The following PTPRG variants were observed in gnomAD, a reference collection of about 807,000 sequenced individuals.
The protein encoded by PTPRG is protein tyrosine phosphatase receptor type G.
A neutral mutation model predicts 165.3 loss-of-function variants in PTPRG; 102 were observed. That is an observed-to-expected ratio of 0.62 (90% CI 0.53 to 0.73). The LOEUF (loss-of-function observed/expected upper bound fraction) is 0.73, where lower values mean the gene tolerates loss of function less well. Ranked by LOEUF, PTPRG falls within the 30% of genes least tolerant of loss-of-function variation. The probability of loss-of-function intolerance (pLI) is 0.00; values close to 1 mark genes in which losing one functional copy is unlikely to be tolerated. For missense variants in PTPRG, 1,866 were observed against 1,861.4 expected (o/e 1.00, Z -0.05); for synonymous variants, 675 against 669.5 (o/e 1.01, Z -0.13).
Position 61,953,642 on chromosome 3 carries a change from T to C in PTPRG, c.191-35983T>C, listed in dbSNP as rs185590486. Among the ~76,000 whole-genome samples the C allele has an allele frequency of 1.8e-4, 28 of 152,306 alleles. No individual in the cohort carries two copies. The East Asian group carries it at 5.4e-3, about 29-fold the overall frequency. On this transcript the variant is annotated intron_variant, in intron 2 of 29. Transcript: ENST00000474889. ...CTGGGTTCCTTTCCTGCTGCTTGTC[T>C]AATTAACATAATTTCTAGCCCCAAG...
intron 1 of PTPRG, among the ~76,000 whole-genome samples, chr3:61,586,094 T>A (rs2106809876): frequency 6.6e-6 from 1 of 152,358 alleles, no homozygotes; most frequent in South Asian, 2.1e-4. Flanking sequence ...TTTTTCTTTT[T>A]TATTTTTTGC....
intron 6 of PTPRG, among the ~76,000 whole-genome samples, chr3:62,149,484 T>C (rs1381251319): frequency 2.0e-5 from 3 of 152,098 alleles, no homozygotes; most frequent in South Asian, 2.1e-4. Flanking sequence ...GGCCAGGTGG[T>C]TTCAAACTCC....
At chr3:61,970,778 G>C (rs991307316) in intron 2 of PTPRG, among the ~76,000 whole-genome samples, 2 of 151,834 alleles carry the variant, frequency 1.3e-5, no homozygotes, top group Non-Finnish European at 2.9e-5. Context: ...TGCAGTGGTA[G>C]GTTAGGAAAG....
At chr3:62,149,392 GCC>G (rs1430460272) in intron 6 of PTPRG, among the ~76,000 whole-genome samples, 2 of 150,346 alleles carry the variant, frequency 1.3e-5, no homozygotes, top group African/African-American at 4.9e-5. Context: ...TCCTGCCCCA[GCC>G]TCCCAACAAG....
intron 1 of PTPRG, among the ~76,000 whole-genome samples, chr3:61,704,899 C>G (rs1346598183): frequency 6.6e-6 from 1 of 152,202 alleles, no homozygotes; most frequent in African/African-American, 2.4e-5. Flanking sequence ...GCCCCTGGCC[C>G]TTGCAATTTG....
At chr3:61,745,176 G>T (rs1575627536) in intron 1 of PTPRG, among the ~76,000 whole-genome samples, 1 of 149,820 alleles carries the variant, frequency 6.7e-6, no homozygotes, top group African/African-American at 2.5e-5. Context: ...TCAGCCTCCC[G>T]AGTAGCTGGG....
chr3:61,694,325 C>T (rs1194333451), intron 1 of PTPRG, among the ~76,000 whole-genome samples: 1 of 152,112 alleles, frequency 6.6e-6, no homozygotes, highest in Admixed American at 6.5e-5. Flanking sequence ...TTTAAAAAGT[C>T]CCTTACATAG....
In PTPRG at chr3:62,219,035, G is replaced by A. The variant is rs1458763439; in HGVS notation, c.2288+52G>A. On this transcript the variant is annotated intron_variant, in intron 13 of 29. Transcript: ENST00000474889. This position sits in a 1 kb window ranked among gnomAD's most constrained non-coding sequence, Gnocchi z 4.5. ...GATTTGGGGGCCAGATGCTGGCCAG[G>A]TTTTGCTCACGGGAGGGGAATCCCA... is the stretch of plus-strand genomic sequence containing the variant. The A allele has an allele frequency of 1.9e-6, 3 of 1,602,038 alleles. No individual in the cohort carries two copies. Among genetic ancestry groups the A allele is most frequent in the Non-Finnish European group, 2.6e-6 (3 of 1,173,738 alleles).
At chr3:61,663,105 G>A (rs1165675703) in intron 1 of PTPRG, among the ~76,000 whole-genome samples, 2 of 152,102 alleles carry the variant, frequency 1.3e-5, no homozygotes, top group East Asian at 1.9e-4. Flanking sequence ...GCAACATGGC[G>A]AAACTGTCTC....
intron 1 of PTPRG, among the ~76,000 whole-genome samples, chr3:61,635,930 C>A (rs1329053406): frequency 1.3e-5 from 2 of 152,246 alleles, no homozygotes; most frequent in South Asian, 2.1e-4. Context: ...GTTTTATTTT[C>A]CAAATCCCAA....
At chr3:62,201,896 CG>C (rs1470230639) in intron 11 of PTPRG, among the ~76,000 whole-genome samples, 1 of 151,996 alleles carries the variant, frequency 6.6e-6, no homozygotes, top group African/African-American at 2.4e-5. Context: ...TTGTCATTTG[CG>C]TAAAGTTATA....
intron 27 of PTPRG, 102 bp downstream of exon 27, chr3:62,281,811 C>G: frequency 8.7e-7 from 1 of 1,153,932 alleles, no homozygotes; most frequent in East Asian, 2.8e-5. Flanking sequence ...CAGGCTCAGG[C>G]ATTTGAGTAA....
At chr3:61,683,543 T>A (rs1324863694) in intron 1 of PTPRG, among the ~76,000 whole-genome samples, 2 of 152,252 alleles carry the variant, frequency 1.3e-5, no homozygotes, top group African/African-American at 4.8e-5. Context: ...TACTTGGCCG[T>A]CTCAGGAACA....
chr3:62,153,308 A>G (rs1704404758), intron 6 of PTPRG, among the ~76,000 whole-genome samples: 1 of 152,210 alleles, frequency 6.6e-6, no homozygotes, highest in African/African-American at 2.4e-5. Context: ...CAAGCCCCTT[A>G]TGTCTGTTAA....
chr3:62,174,740 C>T (rs1705349392), intron 8 of PTPRG, among the ~76,000 whole-genome samples: 1 of 152,202 alleles, frequency 6.6e-6, no homozygotes, highest in African/African-American at 2.4e-5. Context: ...CATTTCTACT[C>T]ACCAGATTAA....
intron 2 of PTPRG, among the ~76,000 whole-genome samples, chr3:61,908,411 C>CCA (rs1553689502): frequency 3.5e-5 from 2 of 57,756 alleles, no homozygotes; most frequent in Non-Finnish European, 7.5e-5. Flanking sequence ...GGCAACAGAG[C>CCA]AAAAAAAAAA....
intron 1 of PTPRG, among the ~76,000 whole-genome samples, chr3:61,709,607 TC>T (rs771477515): frequency 5.3e-5 from 8 of 152,182 alleles, no homozygotes; most frequent in Non-Finnish European, 8.8e-5. Flanking sequence ...GAGCCACCGT[TC>T]CCCGCCTTAA....
At chr3:61,621,051 A>ATATGTGTGTGTGTGTGTG in intron 1 of PTPRG, among the ~76,000 whole-genome samples, 3 of 117,970 alleles carry the variant, frequency 2.5e-5, no homozygotes, top group East Asian at 2.8e-4. Context: ...ATATATATAT[A>ATATGTGTGTGTGTGTGTG]TGTGTGTGTG....
chr3:61,602,236 G>A (rs917028259), intron 1 of PTPRG, among the ~76,000 whole-genome samples: 1 of 151,874 alleles, frequency 6.6e-6, no homozygotes, highest in African/African-American at 2.4e-5. Flanking sequence ...GACTGTACCT[G>A]TCTTGCTCAC....
Sources: allele counts gnomAD v4.1 joint callset (sites outside exome capture counted in the v4.1 genomes callset), GRCh38; gene constraint gnomAD v4.1.1; non-coding constraint Gnocchi (gnomAD v3.1); transcripts MANE v1.5; gene names NCBI Gene and HGNC (gene_info 2026-07-23, HGNC 2026-07-21).